GABPB1: variants seen among roughly 807,000 people sequenced by gnomAD.
The protein encoded by GABPB1 is GA binding protein transcription factor subunit beta 1.
Under a neutral mutation model 45.9 loss-of-function variants are expected in GABPB1, and 15 were observed. That is an observed-to-expected ratio of 0.33 (90% CI 0.22 to 0.50). The LOEUF (loss-of-function observed/expected upper bound fraction) is 0.50. Ranked by LOEUF, GABPB1 falls within the 20% of genes least tolerant of loss-of-function variation. The pLI, the probability that GABPB1 is intolerant of heterozygous loss-of-function variation, is 0.98. For synonymous variants in GABPB1, 143 were observed against 154.4 expected, an observed-to-expected ratio of 0.93 and a Z score of 0.55; for missense variants, 252 against 457.5, an observed-to-expected ratio of 0.55 and a Z score of 4.10.
intron 1 of GABPB1, among the ~76,000 whole-genome samples, chr15:50,348,530 C>A (rs1360703347): frequency 1.3e-5 from 2 of 151,276 alleles, no homozygotes; most frequent in Admixed American, 1.3e-4. Flanking sequence ...GGATTACAGG[C>A]ATGAGACACT....
At chr15:50,294,735 G>A (rs990903869) in intron 6 of GABPB1, among the ~76,000 whole-genome samples, 4 of 151,746 alleles carry the variant, frequency 2.6e-5, no homozygotes, top group African/African-American at 9.7e-5. Context: ...AAACAGACCT[G>A]GTTCAAATTT....
rs375165887 is a variant in GABPB1, at chr15:50,334,999, T to A, written c.-1+19986A>T. ...ATCTTTGACTATGTGCTGATTACTG[T>A]CCTTAAAAAATTGTGGGGAGGCCTA... On this transcript the variant is annotated intron_variant, in intron 1 of 8. Coordinates refer to ENST00000380877, the MANE Select transcript of GABPB1 (RefSeq NM_016654.5). Among the ~76,000 whole-genome samples the A allele has an allele frequency of 3.9e-5, 6 of 152,318 alleles. No individual in the cohort carries two copies. The South Asian group carries it at 6.2e-4, about 16-fold the overall frequency.
intron 1 of GABPB1, among the ~76,000 whole-genome samples, chr15:50,346,056 A>G (rs1255182239): frequency 6.6e-6 from 1 of 152,190 alleles, no homozygotes; most frequent in Non-Finnish European, 1.5e-5. Context: ...AACATTGCAA[A>G]TAACAATCAA....
intron 6 of GABPB1, among the ~76,000 whole-genome samples, chr15:50,292,382 G>T (rs1475618071): frequency 1.3e-5 from 2 of 151,400 alleles, no homozygotes; most frequent in East Asian, 1.9e-4. Flanking sequence ...TTCAAGCAAG[G>T]ATCGGTAGTG....
chr15:50,307,720 C>A (rs927697530), intron 2 of GABPB1, among the ~76,000 whole-genome samples: 2 of 148,020 alleles, frequency 1.4e-5, no homozygotes, highest in Admixed American at 6.8e-5. Flanking sequence ...AAAAAAAGAT[C>A]TTTTTGTCTT....
chr15:50,289,206 C>T (rs1164275147), intron 7 of GABPB1, among the ~76,000 whole-genome samples: 1 of 152,066 alleles, frequency 6.6e-6, no homozygotes, highest in Non-Finnish European at 1.5e-5. Flanking sequence ...AACCAGAATA[C>T]TTTGGGGCCA....
At chr15:50,323,687 T>C (rs1053709581) in intron 1 of GABPB1, among the ~76,000 whole-genome samples, 3 of 151,798 alleles carry the variant, frequency 2.0e-5, no homozygotes, top group Non-Finnish European at 4.4e-5. Flanking sequence ...CACAGAGAGA[T>C]AGCACCTTTC....
At chr15:50,338,608 G>C (rs1031562894) in intron 1 of GABPB1, among the ~76,000 whole-genome samples, 3 of 151,902 alleles carry the variant, frequency 2.0e-5, no homozygotes, top group African/African-American at 7.3e-5. Flanking sequence ...CGAGTAGCTG[G>C]GGCTACAGGC....
rs552203074 is a variant in GABPB1 at position 50,282,560 on chromosome 15, G to GAAAAAAAAAAAAAAAAAAAAAAAAAA, written c.999+3507_999+3508insTTTTTTTTTTTTTTTTTTTTTTTTTT. On this transcript the variant is annotated intron_variant, in intron 8 of 8. Coordinates refer to ENST00000380877, the MANE Select transcript of GABPB1 (RefSeq NM_016654.5). Reference sequence around the variant, plus strand: ...CAAAGTGAGACCCTGCCTTAAAAAAGAAAAAAAAAAAAAAACAGAGACGGA... The same window carrying GAAAAAAAAAAAAAAAAAAAAAAAAAA: ...CAAAGTGAGACCCTGCCTTAAAAAAGAAAAAAAAAAAAAAAAAAAAAAAAAAAAAAAAAAAAAAAAACAGAGACGGA... Among the ~76,000 whole-genome samples, 19 of 88,990 alleles carry GAAAAAAAAAAAAAAAAAAAAAAAAAA rather than the reference G, an allele frequency of 2.1e-4. 2 individuals are homozygous for GAAAAAAAAAAAAAAAAAAAAAAAAAA. The highest frequency in any genetic ancestry group is 1.9e-4 in the African/African-American group (5 of 26,080). 58.4% of individuals were successfully genotyped at this position (88,990 alleles called of 152,430 possible).
intron 8 of GABPB1, among the ~76,000 whole-genome samples, chr15:50,280,448 C>T (rs2045938156): frequency 1.3e-5 from 2 of 152,092 alleles, no homozygotes; most frequent in African/African-American, 2.4e-5. Context: ...CAGCCATGCA[C>T]GTGTTTTAAA....
chr15:50,311,943 C>T (rs914164666), intron 1 of GABPB1, among the ~76,000 whole-genome samples: 2 of 152,164 alleles, frequency 1.3e-5, no homozygotes, highest in African/African-American at 4.8e-5. Flanking sequence ...GATACTAATA[C>T]TTGGAGGCTT....
At chr15:50,303,401 G>A (rs1265803685) in intron 3 of GABPB1, among the ~76,000 whole-genome samples, 2 of 151,798 alleles carry the variant, frequency 1.3e-5, no homozygotes, top group African/African-American at 2.4e-5. Flanking sequence ...AAAAAATTAA[G>A]GGCCGGACAT....
In GABPB1 at chr15:50,312,110, C is replaced by T. The variant is rs1172377614; in HGVS notation, c.1-2312G>A. On this transcript the variant is annotated intron_variant, in intron 1 of 8. Coordinates refer to ENST00000380877, the MANE Select transcript of GABPB1 (RefSeq NM_016654.5). Reference sequence around the variant, plus strand: ...CTGTAATCCCACCACTCTGGGAGGCCGAGGTGGGTGAATCACTTGAGGTCA... The same window carrying T: ...CTGTAATCCCACCACTCTGGGAGGCTGAGGTGGGTGAATCACTTGAGGTCA... Among the ~76,000 whole-genome samples the T allele has an allele frequency of 3.3e-5, 5 of 152,040 alleles. No individual in the cohort carries two copies. The South Asian group carries it at 6.2e-4, about 19-fold the overall frequency.
chr15:50,335,016 G>A (rs994428776), intron 1 of GABPB1, among the ~76,000 whole-genome samples: 1 of 152,084 alleles, frequency 6.6e-6, no homozygotes, highest in Non-Finnish European at 1.5e-5. Context: ...AAAATTGTGG[G>A]GAGGCCTAAG....
chr15:50,338,006 T>C (rs971806597), intron 1 of GABPB1, among the ~76,000 whole-genome samples: 2 of 152,154 alleles, frequency 1.3e-5, no homozygotes, highest in East Asian at 1.9e-4. Flanking sequence ...AAAAAAAAAT[T>C]TAAACTCTAA....
intron 1 of GABPB1, chr15:50,350,251 C>G (rs1403691197): frequency 6.6e-6 from 1 of 151,358 alleles, no homozygotes; most frequent in East Asian, 1.9e-4. Flanking sequence ...AACCTCATTT[C>G]TCTATGCCTG....
chr15:50,343,044 C>T (rs1452407277), intron 1 of GABPB1, among the ~76,000 whole-genome samples: 2 of 152,096 alleles, frequency 1.3e-5, no homozygotes, highest in Admixed American at 1.3e-4. Context: ...GGACTACAGG[C>T]GCCCACCACC....
intron 1 of GABPB1, among the ~76,000 whole-genome samples, chr15:50,312,106 A>G (rs961325023): frequency 6.6e-6 from 1 of 152,156 alleles, no homozygotes; most frequent in African/African-American, 2.4e-5. Flanking sequence ...CCACTCTGGG[A>G]GGCCGAGGTG....
chr15:50,355,123 A>C lies in GABPB1; in HGVS notation c.-139T>G, dbSNP rs1481638889. The C allele has an allele frequency of 6.5e-6, 1 of 152,998 alleles. No individual in the cohort carries two copies. The highest frequency in any genetic ancestry group is 1.5e-5 in the Non-Finnish European group (1 of 68,260). The allele number at this position is 152,998 out of a possible 1,614,324, so 9.5% of individuals were successfully genotyped here. On this transcript the variant is annotated 5_prime_UTR_variant, in exon 1 of 9. Coordinates refer to ENST00000380877, the MANE Select transcript of GABPB1 (RefSeq NM_016654.5). The stretch of plus-strand genomic sequence containing the variant: ...CTGCACAGGGCGCTATTTTCCGAAA[A>C]TGCCGCGTCTGGTCGGCGCCCAAAA...
Sources: allele counts gnomAD v4.1 joint callset (sites outside exome capture counted in the v4.1 genomes callset), GRCh38; gene constraint gnomAD v4.1.1; transcripts MANE v1.5; gene names NCBI Gene and HGNC (gene_info 2026-07-23, HGNC 2026-07-21).